Variants in KIF26B observed in about 807,000 individuals in gnomAD.
KIF26B encodes kinesin family member 26B, also known as kinesin-like protein KIF26B.
KIF26B carries 63 observed loss-of-function variants against 151.2 expected under a neutral mutation model. That is an observed-to-expected ratio of 0.42 (90% CI 0.34 to 0.51). The LOEUF (loss-of-function observed/expected upper bound fraction) is 0.51. Ranked by LOEUF, KIF26B falls within the 20% of genes least tolerant of loss-of-function variation. The probability of loss-of-function intolerance (pLI) is 0.07; values close to 1 mark genes in which losing one functional copy is unlikely to be tolerated. For missense variants in KIF26B, 2,813 were observed against 2,913.6 expected (o/e 0.97, Z 0.79); for synonymous variants, 1,357 against 1,262.1 (o/e 1.08, Z -1.59).
At chr1:245,297,300 G>A (rs754162614) in intron 2 of KIF26B, among the ~76,000 whole-genome samples, 24 of 152,152 alleles carry the variant, frequency 1.6e-4, no homozygotes, top group Non-Finnish European at 2.5e-4. Flanking sequence ...CCGAGATCAC[G>A]TCACTGCACT....
At chr1:245,480,915 C>T (rs1186875384) in intron 4 of KIF26B, among the ~76,000 whole-genome samples, 1 of 151,612 alleles carries the variant, frequency 6.6e-6, no homozygotes, top group Non-Finnish European at 1.5e-5. Flanking sequence ...AAGGAGTCTG[C>T]AAGATCCAGA....
intron 2 of KIF26B, among the ~76,000 whole-genome samples, chr1:245,169,362 T>TGTGTGTGCGC (rs879260509): frequency 1.3e-5 from 2 of 150,988 alleles, no homozygotes; most frequent in Non-Finnish European, 2.9e-5. Context: ...TGTGTGTGTG[T>TGTGTGTGCGC]GCGCGCAAGC....
chr1:245,537,863 G>C (rs1661520566), intron 4 of KIF26B, among the ~76,000 whole-genome samples: 1 of 152,106 alleles, frequency 6.6e-6, no homozygotes, highest in African/African-American at 2.4e-5. Flanking sequence ...TTCCAGAGAG[G>C]GATCTAAGCT....
chr1:245,679,782 A>G (rs1247941645), intron 10 of KIF26B, among the ~76,000 whole-genome samples: 1 of 152,010 alleles, frequency 6.6e-6, no homozygotes, highest in Non-Finnish European at 1.5e-5. Flanking sequence ...ATTTATTTTC[A>G]AAGGCAAGTG....
chr1:245,646,607 A>G (rs1217709580), intron 10 of KIF26B, among the ~76,000 whole-genome samples: 1 of 152,180 alleles, frequency 6.6e-6, no homozygotes, highest in Non-Finnish European at 1.5e-5. Context: ...TTTCATAGTG[A>G]TGAGAGTGAG....
chr1:245,522,864 T>C (rs2103091824), intron 4 of KIF26B, among the ~76,000 whole-genome samples: 1 of 152,364 alleles, frequency 6.6e-6, no homozygotes, highest in Non-Finnish European at 1.5e-5. Context: ...TTCACCTTGC[T>C]CTTTAGGATT....
At chr1:245,661,874 A>G (rs1293771696) in intron 10 of KIF26B, among the ~76,000 whole-genome samples, 2 of 149,580 alleles carry the variant, frequency 1.3e-5, no homozygotes, top group African/African-American at 2.5e-5. Flanking sequence ...ATACATACAC[A>G]CATACCCCCA....
intron 4 of KIF26B, among the ~76,000 whole-genome samples, chr1:245,525,582 G>A (rs959946427): frequency 3.3e-5 from 5 of 152,316 alleles, no homozygotes; most frequent in African/African-American, 1.2e-4. Context: ...TAGCTGTTGT[G>A]TAAACGTGGG....
At chr1:245,440,166 A>G (rs145358750) in intron 4 of KIF26B, among the ~76,000 whole-genome samples, 1 of 152,090 alleles carries the variant, frequency 6.6e-6, no homozygotes, top group African/African-American at 2.4e-5. Context: ...GCTCGCAGTG[A>G]GCCGAGATCG....
At chr1:245,458,203 C>T (rs916594040) in intron 4 of KIF26B, among the ~76,000 whole-genome samples, 3 of 152,176 alleles carry the variant, frequency 2.0e-5, no homozygotes, top group Non-Finnish European at 2.9e-5. Context: ...GGAGCCCACT[C>T]AAACCCCTCG....
At chr1:245,205,698 T>C (rs1669390969) in intron 2 of KIF26B, among the ~76,000 whole-genome samples, 1 of 127,906 alleles carries the variant, frequency 7.8e-6, no homozygotes, top group Non-Finnish European at 1.6e-5. Context: ...CGTTTTCTTT[T>C]TCTTTCTTTT....
At chr1:245,372,644 A>G (rs766946981) in intron 3 of KIF26B, among the ~76,000 whole-genome samples, 2 of 152,200 alleles carry the variant, frequency 1.3e-5, no homozygotes, top group Non-Finnish European at 2.9e-5. Context: ...GTTCCTTGTA[A>G]TCAACTACAG....
chr1:245,371,024 C>G (rs1051846473), intron 3 of KIF26B, among the ~76,000 whole-genome samples: 1 of 152,126 alleles, frequency 6.6e-6, no homozygotes, highest in Non-Finnish European at 1.5e-5. Flanking sequence ...GGCTCCTAAT[C>G]CCGCCCGATG....
At chr1:245,301,169 G>A (rs57065981) in intron 2 of KIF26B, among the ~76,000 whole-genome samples, 5,848 of 152,212 alleles carry the variant, frequency 0.038, 177 homozygotes, top group African/African-American at 0.076. Flanking sequence ...AAATGACAGC[G>A]GATGGCCATG....
intron 5 of KIF26B, among the ~76,000 whole-genome samples, chr1:245,583,993 T>A (rs1297854624): frequency 6.6e-6 from 1 of 152,228 alleles, no homozygotes; most frequent in Non-Finnish European, 1.5e-5. Flanking sequence ...AGTCTTCTGA[T>A]TTTAATAACT....
chr1:245,461,304 C>CT (rs796322018), intron 4 of KIF26B, among the ~76,000 whole-genome samples: 743 of 147,940 alleles, frequency 5.0e-3, no homozygotes, highest in African/African-American at 0.015. Context: ...CAATTTTTAT[C>CT]TTTTTTTTTT....
At chr1:245,163,501 T>C (rs576123158) in intron 2 of KIF26B, among the ~76,000 whole-genome samples, 1 of 152,302 alleles carries the variant, frequency 6.6e-6, no homozygotes, top group African/African-American at 2.4e-5. Context: ...GGGCTAGCTC[T>C]CTCTCCCTCA....
chr1:245,649,292 C>G (rs2043987952), intron 10 of KIF26B, among the ~76,000 whole-genome samples: 3 of 152,192 alleles, frequency 2.0e-5, no homozygotes, highest in African/African-American at 7.2e-5. Flanking sequence ...AATCACCCAG[C>G]CAGTGGGTGG....
At chr1:245,370,988 C>T (rs1371251241) in intron 3 of KIF26B, among the ~76,000 whole-genome samples, 3 of 152,100 alleles carry the variant, frequency 2.0e-5, no homozygotes, top group East Asian at 1.9e-4. Context: ...GAAGAGATGC[C>T]GCGGTGCTTT....
Sources: gnomAD v4.1 joint callset for allele counts (sites outside exome capture counted in the v4.1 genomes callset) on GRCh38, gnomAD v4.1.1 for gene constraint, MANE v1.5 for transcripts, NCBI Gene and HGNC (gene_info 2026-07-23, HGNC 2026-07-21) for gene names.